WIPF3: variants seen among roughly 807,000 people sequenced by gnomAD.
The protein encoded by WIPF3 is WAS/WASL-interacting protein family member 3.
A neutral mutation model predicts 38.9 loss-of-function variants in WIPF3; 33 were observed. That is an observed-to-expected ratio of 0.85 (90% confidence interval 0.64 to 1.14). The LOEUF is 1.14. Among genes scored for constraint, WIPF3 ranks in the 50% most tolerant of loss-of-function variants. WIPF3 has a pLI of 0.00. For synonymous variants in WIPF3, 324 were observed against 269.3 expected (o/e 1.20, Z -1.99); for missense variants, 711 against 652.5 (o/e 1.09, Z -0.98).
intron 2 of WIPF3, among the ~76,000 whole-genome samples, chr7:29,870,094 T>TCAAGAGGCCTCTTGGGAGACAGC (rs1025465934): frequency 1.3e-5 from 2 of 152,032 alleles, no homozygotes; most frequent in African/African-American, 2.4e-5. Context: ...ACTTCCAGGA[T>TCAAGAGGCCTCTTGGGAGACAGC]CAAGAGGCCT....
intron 2 of WIPF3, among the ~76,000 whole-genome samples, chr7:29,856,523 G>A (rs1785189825): frequency 6.6e-6 from 1 of 152,140 alleles, no homozygotes; most frequent in South Asian, 2.1e-4. Context: ...CAGATACACA[G>A]GAGTCTAAAG....
In WIPF3 at chr7:29,834,684, T is replaced by C; in HGVS notation, c.-41T>C. On this transcript the variant is annotated 5_prime_UTR_variant, in exon 2 of 9. Transcript: ENST00000242140. Reference sequence around the variant, plus strand: ...CTTTTTCAGAGCAGAAGCCACTCTCTTGGGACCATTCATAAGCAGGAGACA... The same window carrying C: ...CTTTTTCAGAGCAGAAGCCACTCTCCTGGGACCATTCATAAGCAGGAGACA... 7 of 1,456,300 alleles carry C rather than the reference T, an allele frequency of 4.8e-6. No homozygotes were observed. The highest frequency in any genetic ancestry group is 6.3e-6 in the Non-Finnish European group (7 of 1,106,680). 90.2% of individuals were successfully genotyped at this position (1,456,300 alleles called of 1,614,324 possible).
intron 2 of WIPF3, among the ~76,000 whole-genome samples, chr7:29,865,383 C>A (rs1785367924): frequency 6.6e-6 from 1 of 152,192 alleles, no homozygotes; most frequent in Non-Finnish European, 1.5e-5. Context: ...GAACTCAGCT[C>A]TTTCCACTAT....
chr7:29,904,225 T>C, intron 7 of WIPF3, 61 bp from the exon 8 acceptor site: 1 of 1,539,296 alleles, frequency 6.5e-7, no homozygotes, highest in East Asian at 2.2e-5. Context: ...AGTTTCTCTG[T>C]GAAACATGCA....
chr7:29,831,845 C>T (rs867646645), intron 1 of WIPF3, among the ~76,000 whole-genome samples: 24 of 152,302 alleles, frequency 1.6e-4, no homozygotes, highest in South Asian at 4.2e-4. Flanking sequence ...CACATCACTT[C>T]GACCTTCATT....
At position 29,879,026 on chromosome 7, in the gene WIPF3, A is replaced by G. The variant is rs560395922; in HGVS notation, c.241A>G (p.Lys81Glu). Residue 81 changes from lysine (K) to glutamate (E), a missense_variant, in exon 4 of 9, where the codon AAA (lysine) becomes GAA (glutamate). Transcript: ENST00000242140. ...PQIESSKGTN[K>E]EGGGSANTRG... ...CTCTAAAGGTTCTAAAGGAACCAAC[A>G]AAGAAGGAGGAGGTTCTGCAAACAC... The G allele has an allele frequency of 6.2e-7, 1 of 1,600,660 alleles. No homozygotes were observed. Among genetic ancestry groups the G allele is most frequent in the Non-Finnish European group, 8.5e-7 (1 of 1,172,636 alleles).
chr7:29,884,464 C>T lies in WIPF3; in HGVS notation c.970C>T (p.Pro324Ser), dbSNP rs556477810. The T allele has an allele frequency of 9.0e-6, 14 of 1,557,516 alleles. No homozygotes were observed. The East Asian group carries it at 2.2e-4, about 25-fold the overall frequency. Residue 324 changes from proline to serine, a missense_variant, in exon 5 of 9, where the codon CCC (proline) becomes TCC (serine). Coordinates refer to ENST00000242140, the MANE Select transcript of WIPF3 (RefSeq NM_001080529.3). ...AGTTAATAGCAGCAGTGAAACTCCA[C>T]CCCCGCTACCCCCTAAATCCCCCAG... ...PGVNSSSETP[P>S]PLPPKSPSFQ...
intron 1 of WIPF3, among the ~76,000 whole-genome samples, chr7:29,817,102 A>G (rs547362112): frequency 2.0e-5 from 3 of 152,214 alleles, no homozygotes; most frequent in Non-Finnish European, 4.4e-5. Context: ...CTCATTAGGA[A>G]TAACATTGAG....
intron 8 of WIPF3, among the ~76,000 whole-genome samples, chr7:29,907,820 C>T (rs1377934110): frequency 6.6e-6 from 1 of 151,988 alleles, no homozygotes; most frequent in Non-Finnish European, 1.5e-5. Context: ...GTTATAGCAG[C>T]CTGAAAAGAC....
chr7:29,889,383 A>G lies in WIPF3; in HGVS notation c.1327A>G (p.Ile443Val), dbSNP rs771343348. The change falls in exon 7 of 9, where the codon ATT becomes GTT. Residue 443 changes from isoleucine (I) to valine (V), a missense_variant. Coordinates refer to ENST00000242140, the MANE Select transcript of WIPF3 (RefSeq NM_001080529.3). ...GGATGAATATAAACCATGCCAGAAG[A>G]TTTACCCCAGCAAGATCCCCAGAAG... ...PPDEYKPCQK[I>V]YPSKIPRSRT... The G allele has an allele frequency of 6.2e-7, 1 of 1,613,902 alleles. No individual in the cohort carries two copies. Among genetic ancestry groups the G allele is most frequent in the Non-Finnish European group, 8.5e-7 (1 of 1,179,866 alleles).
At chr7:29,901,006 C>T (rs1276182292) in intron 7 of WIPF3, among the ~76,000 whole-genome samples, 1 of 152,012 alleles carries the variant, frequency 6.6e-6, no homozygotes, top group Admixed American at 6.6e-5. Flanking sequence ...GAATTGCAGC[C>T]CAGGGCTGGT....
At chr7:29,817,902 G>C (rs996340601) in intron 1 of WIPF3, among the ~76,000 whole-genome samples, 2 of 152,054 alleles carry the variant, frequency 1.3e-5, no homozygotes, top group African/African-American at 4.8e-5. Flanking sequence ...ACTTTTGTAT[G>C]ATATTTAGTC....
chr7:29,878,973 C>T lies in WIPF3; in HGVS notation c.224-36C>T. ...TGAGACCTGGCTGCTCAGCTCTGCT[C>T]TCAAGTCCTTGCCTATTTGTGTCTT... On this transcript the variant is annotated intron_variant, in intron 3 of 8. Transcript: ENST00000242140. This position sits in a 1 kb window ranked among gnomAD's most constrained non-coding sequence, Gnocchi z 4.0. The T allele has an allele frequency of 6.4e-7, 1 of 1,568,144 alleles. No homozygotes were observed.
At chr7:29,876,800 G>T (rs1428573544) in intron 3 of WIPF3, among the ~76,000 whole-genome samples, 1 of 152,192 alleles carries the variant, frequency 6.6e-6, no homozygotes, top group East Asian at 1.9e-4. Context: ...CTGTCTTCTA[G>T]AATGTGACAG....
intron 1 of WIPF3, among the ~76,000 whole-genome samples, chr7:29,819,499 T>A (rs1320705747): frequency 6.6e-6 from 1 of 152,122 alleles, no homozygotes; most frequent in African/African-American, 2.4e-5. Context: ...ATTTAAACAT[T>A]TATCTTTTTC....
rs746191182 is a variant in WIPF3 at position 29,884,007 on chromosome 7, G to A, written c.513G>A (p.Val171=). 5.4e-6 allele frequency: 8 copies of A among 1,490,338 alleles called. No homozygotes were observed. The South Asian group carries it at 1.0e-4, about 19-fold the overall frequency. The allele number at this position is 1,490,338 out of a possible 1,614,324, so 92.3% of individuals were successfully genotyped here. A position where few individuals can be genotyped will look rare whatever the true frequency, so the allele number is the denominator to read the frequency against. The change falls in exon 5 of 9, where the codon GTG becomes GTA. Residue 171 remains valine (V), a synonymous_variant. Transcript: ENST00000242140. ...AARTAPPRPN[V]PAPPPPTPPP... is the part of the protein sequence containing the mutation. ...GGACAGCCCCGCCTCGCCCCAACGT[G>A]CCTGCCCCGCCCCCTCCCACCCCAC... is the stretch of plus-strand genomic sequence containing the variant.
chr7:29,884,644 C>CGTGCAA (rs1345582208), intron 5 of WIPF3, 51 bp downstream of exon 5: 1 of 1,544,296 alleles, frequency 6.5e-7, no homozygotes, highest in East Asian at 2.3e-5. Flanking sequence ...GATAAAATCT[C>CGTGCAA]GTCGTTGCAC....
intron 7 of WIPF3, among the ~76,000 whole-genome samples, chr7:29,890,032 A>G (rs1040413842): frequency 1.3e-5 from 2 of 152,208 alleles, no homozygotes; most frequent in Non-Finnish European, 2.9e-5. Flanking sequence ...ACTTTAAGAG[A>G]GGACATTTAA....
At chr7:29,834,281 C>A (rs536367956) in intron 1 of WIPF3, among the ~76,000 whole-genome samples, 8 of 151,930 alleles carry the variant, frequency 5.3e-5, no homozygotes, top group Non-Finnish European at 1.2e-4. Flanking sequence ...GGAGTCTATG[C>A]AGAATGATTG....
Sources: allele counts gnomAD v4.1 joint callset (sites outside exome capture counted in the v4.1 genomes callset), GRCh38; gene constraint gnomAD v4.1.1; non-coding constraint Gnocchi (gnomAD v3.1); transcripts MANE v1.5; gene names NCBI Gene and HGNC (gene_info 2026-07-23, HGNC 2026-07-21).